The following PGPEP1L variants were observed in gnomAD, a reference collection of about 807,000 sequenced individuals.
PGPEP1L encodes pyroglutamyl-peptidase I like, also known as pyroglutamyl-peptidase 1-like protein.
PGPEP1L carries 7 observed loss-of-function variants against 6.0 expected under a neutral mutation model. The observed-to-expected ratio is 1.17, with a 90% CI of 0.66 to 2.19. PGPEP1L has a LOEUF of 2.19. Among genes scored for constraint, PGPEP1L ranks in the 30% most tolerant of loss-of-function variants. The probability of loss-of-function intolerance (pLI) is 0.00; values close to 1 mark genes in which losing one functional copy is unlikely to be tolerated. For missense variants in PGPEP1L, 209 were observed against 192.5 expected (o/e 1.09, Z -0.51); for synonymous variants, 103 against 83.9 (o/e 1.23, Z -1.24).
rs1279227464 is a variant in PGPEP1L, at chr15:99,005,618, C to G, written c.-331G>C. Reference sequence around the variant, plus strand: ...GGGAGCCCAACCCCTCCTGGCCGCCCGGCGTCCGTAGCGTTCTGGGCCCCG... The same window carrying G: ...GGGAGCCCAACCCCTCCTGGCCGCCGGGCGTCCGTAGCGTTCTGGGCCCCG... On this transcript the variant is annotated 5_prime_UTR_variant, in exon 2 of 5. Transcript: ENST00000535714. The G allele has an allele frequency of 6.6e-6, 1 of 152,304 alleles. No individual in the cohort carries two copies. Among genetic ancestry groups the G allele is most frequent in the East Asian group, 1.9e-4 (1 of 5,192 alleles). 9.4% of individuals were successfully genotyped at this position (152,304 alleles called of 1,614,324 possible).
At chr15:98,999,109 A>T (rs2017925653) in intron 2 of PGPEP1L, among the ~76,000 whole-genome samples, 1 of 152,230 alleles carries the variant, frequency 6.6e-6, no homozygotes, top group African/African-American at 2.4e-5. Context: ...GATTCCGTCA[A>T]AATTAAAAAC....
rs1230724062 is a variant in PGPEP1L, at chr15:98,969,773, A to T, written c.-18-122T>A. ...TCTGTGCAAAACATCTCAAACCCCAAATCCACTGGGAAACCCCAGGATCCC... is the reference window on the plus strand; with the variant it reads ...TCTGTGCAAAACATCTCAAACCCCATATCCACTGGGAAACCCCAGGATCCC... On this transcript the variant is annotated intron_variant, in intron 3 of 4. Transcript: ENST00000535714. 1.3e-5 allele frequency: 12 copies of T among 955,534 alleles called. No homozygotes were observed. In the East Asian group the frequency reaches 2.5e-4, roughly 20 times the overall value. The allele number at this position is 955,534 out of a possible 1,614,324, so 59.2% of individuals were successfully genotyped here.
rs189428494 is a variant in PGPEP1L at position 98,994,941 on chromosome 15, T to A, written c.-142+10488A>T. Among the ~76,000 whole-genome samples, 413 of 152,352 alleles carry A rather than the reference T, an allele frequency of 2.7e-3. 6 individuals carry two copies. The highest frequency in any genetic ancestry group is 8.6e-3 in the African/African-American group (357 of 41,572). ...ACATTTACTCTAATTAGATTGTCAA[T>A]TTTTCCAAGTAATGTCTTTCTCTCT... On this transcript the variant is annotated intron_variant, in intron 2 of 4. Transcript: ENST00000535714.
In PGPEP1L at chr15:98,978,720, ATATATATTTTTT is replaced by A. The variant is rs2017607097; in HGVS notation, c.-141-7574_-141-7563del. ...CATTAGACTGTGTATATATATATAT[ATATATATTTTTT>A]TTTTTTTTTTTTTTTTGAGGCACAG... On this transcript the variant is annotated intron_variant, in intron 2 of 4. Coordinates refer to ENST00000535714, the MANE Select transcript of PGPEP1L (RefSeq NM_001167902.2). Among the ~76,000 whole-genome samples the A allele has an allele frequency of 7.6e-5, 3 of 39,352 alleles. No homozygotes were observed. The Admixed American group carries it at 1.0e-3, about 13-fold the overall frequency. The allele number at this position is 39,352 out of a possible 152,430, so 25.8% of individuals were successfully genotyped here. A position where few individuals can be genotyped will look rare whatever the true frequency, so the allele number is the denominator to read the frequency against.
chr15:98,974,948 T>C (rs955460356), intron 2 of PGPEP1L, among the ~76,000 whole-genome samples: 1 of 152,182 alleles, frequency 6.6e-6, no homozygotes, highest in South Asian at 2.1e-4. Flanking sequence ...TACCATATTA[T>C]CCAGAAATCT....
intron 2 of PGPEP1L, among the ~76,000 whole-genome samples, chr15:98,977,519 TA>T (rs2017587620): frequency 6.6e-6 from 1 of 152,272 alleles, no homozygotes; most frequent in Non-Finnish European, 1.5e-5. Context: ...GATTTCTAAT[TA>T]AAATCCACTG....
At chr15:98,976,373 G>A (rs1002043162) in intron 2 of PGPEP1L, among the ~76,000 whole-genome samples, 4 of 152,140 alleles carry the variant, frequency 2.6e-5, no homozygotes, top group Non-Finnish European at 5.9e-5. Flanking sequence ...ACATCCCTCA[G>A]GGATAATAAT....
chr15:99,004,618 T>A (rs2018021780), intron 2 of PGPEP1L, among the ~76,000 whole-genome samples: 1 of 152,142 alleles, frequency 6.6e-6, no homozygotes, highest in Non-Finnish European at 1.5e-5. Context: ...CTCGGGAGGC[T>A]GAGGCAGGAG....
intron 2 of PGPEP1L, among the ~76,000 whole-genome samples, chr15:98,984,314 G>A (rs753058280): frequency 1.3e-5 from 2 of 152,094 alleles, no homozygotes; most frequent in African/African-American, 4.8e-5. Context: ...TCGGCCTGGA[G>A]TAAGTACTCT....
chr15:99,000,906 T>C (rs2017958267), intron 2 of PGPEP1L, among the ~76,000 whole-genome samples: 1 of 152,138 alleles, frequency 6.6e-6, no homozygotes, highest in South Asian at 2.1e-4. Flanking sequence ...TCAATCTTGC[T>C]GCTGCTCATT....
At chr15:99,004,608 C>T (rs1359096890) in intron 2 of PGPEP1L, among the ~76,000 whole-genome samples, 1 of 152,164 alleles carries the variant, frequency 6.6e-6, no homozygotes, top group East Asian at 1.9e-4. Context: ...GTCCCAGCTA[C>T]TCGGGAGGCT....
intron 2 of PGPEP1L, among the ~76,000 whole-genome samples, chr15:99,002,887 G>C (rs1291365268): frequency 6.6e-6 from 1 of 152,120 alleles, no homozygotes; most frequent in Non-Finnish European, 1.5e-5. Context: ...CTTTGATGAG[G>C]AAAGGGCTGT....
At chr15:98,991,005 A>G (rs1555471992) in intron 2 of PGPEP1L, among the ~76,000 whole-genome samples, 1 of 152,258 alleles carries the variant, frequency 6.6e-6, no homozygotes, top group East Asian at 1.9e-4. Context: ...CCTACAAGAG[A>G]AAGCAGTAAA....
Position 99,007,409 on chromosome 15 carries a change from C to G in PGPEP1L, c.-420G>C, listed in dbSNP as rs1417325242. ...ATCGGCGGATTCTTGGTCTCACTGA[C>G]TTCAAGAACGAAGCCGCGGACCCTG... On this transcript the variant is annotated 5_prime_UTR_variant, in exon 1 of 5. Coordinates refer to ENST00000535714, the MANE Select transcript of PGPEP1L (RefSeq NM_001167902.2). 1 of 152,460 alleles carries G rather than the reference C, an allele frequency of 6.6e-6. No individual in the cohort carries two copies. Among genetic ancestry groups the G allele is most frequent in the Non-Finnish European group, 1.5e-5 (1 of 68,246 alleles). The allele number at this position is 152,460 out of a possible 1,614,324, so 9.4% of individuals were successfully genotyped here.
At chr15:98,975,187 G>A (rs907509536) in intron 2 of PGPEP1L, among the ~76,000 whole-genome samples, 1 of 152,190 alleles carries the variant, frequency 6.6e-6, no homozygotes, top group Non-Finnish European at 1.5e-5. Flanking sequence ...GGATAGAACT[G>A]GAGGTCATTA....
intron 1 of PGPEP1L, among the ~76,000 whole-genome samples, chr15:99,006,785 G>A (rs1328153287): frequency 8.1e-6 from 1 of 122,998 alleles, no homozygotes; most frequent in Admixed American, 7.9e-5. Context: ...GTGACAGAGT[G>A]AGACCCTGTC....
chr15:98,977,811 A>C (rs1314216832), intron 2 of PGPEP1L, among the ~76,000 whole-genome samples: 1 of 152,218 alleles, frequency 6.6e-6, no homozygotes, highest in Admixed American at 6.5e-5. Context: ...TTCTCCTTAA[A>C]GTTCTATTAG....
Position 98,987,134 on chromosome 15 carries a change from C to G in PGPEP1L, c.-141-15976G>C, listed in dbSNP as rs193279422. On this transcript the variant is annotated intron_variant, in intron 2 of 4. Transcript: ENST00000535714. ...TGAGCCAAGATTGTGCCACTGCACT[C>G]CAGCCTGGGTGACAGAGTGAGACTC... Among the ~76,000 whole-genome samples, 18 of 129,090 alleles carry G rather than the reference C, an allele frequency of 1.4e-4. No individual in the cohort carries two copies. In the East Asian group the frequency reaches 3.7e-3, roughly 27 times the overall value. 84.7% of individuals were successfully genotyped at this position (129,090 alleles called of 152,430 possible). A position where few individuals can be genotyped will look rare whatever the true frequency, so the allele number is the denominator to read the frequency against.
chr15:98,969,364 G>T (rs534137134), intron 4 of PGPEP1L, 61 bp downstream of exon 4: 3 of 1,595,932 alleles, frequency 1.9e-6, no homozygotes, highest in Non-Finnish European at 2.6e-6. Context: ...AGGTCGGGGG[G>T]ACGCTGACGG....
Sources: allele counts gnomAD v4.1 joint callset (sites outside exome capture counted in the v4.1 genomes callset), GRCh38; gene constraint gnomAD v4.1.1; transcripts MANE v1.5; gene names NCBI Gene and HGNC (gene_info 2026-07-23, HGNC 2026-07-21).